Variants in SBNO2 observed in about 807,000 individuals in gnomAD.
SBNO2 encodes the protein strawberry notch homolog 2, also known as protein strawberry notch homolog 2.
SBNO2 carries 89 observed loss-of-function variants against 146.3 expected under a neutral mutation model. That is an observed-to-expected ratio of 0.61 (90% CI 0.51 to 0.73). The LOEUF is 0.73. Among genes scored for constraint, SBNO2 ranks in the 30% least tolerant of loss-of-function variants. The pLI is 0.00. For synonymous variants in SBNO2, 1,147 were observed against 892.6 expected, an observed-to-expected ratio of 1.29 and a Z score of -5.08; for missense variants, 2,092 against 2,003.7, an observed-to-expected ratio of 1.04 and a Z score of -0.84.
rs966486116 is a variant in SBNO2 at position 1,136,428 on chromosome 19, G to T, written c.280-8663C>A. Among the ~76,000 whole-genome samples the T allele has an allele frequency of 5.3e-5, 8 of 152,198 alleles. No homozygotes were observed. The highest frequency in any genetic ancestry group is 1.9e-4 in the African/African-American group (8 of 41,464). On this transcript the variant is annotated intron_variant, in intron 4 of 31. Transcript: ENST00000361757. The surrounding 1 kb of genome is among the most constrained non-coding windows in gnomAD (Gnocchi z 4.2). ...CAGCCGGGCAGGGCCGAACCCTGGCGCACAGCTTCCTGCTGAGTCTCCCTC... is the reference window on the plus strand; with the variant it reads ...CAGCCGGGCAGGGCCGAACCCTGGCTCACAGCTTCCTGCTGAGTCTCCCTC...
In SBNO2 at chr19:1,157,375, T is replaced by TC. The variant is rs1270291954; in HGVS notation, c.-126-2974_-126-2973insG. On this transcript the variant is annotated intron_variant, in intron 1 of 31. Coordinates refer to ENST00000361757, the MANE Select transcript of SBNO2 (RefSeq NM_014963.3). This position sits in a 1 kb window ranked among gnomAD's most constrained non-coding sequence, Gnocchi z 6.8. ...TCCCCACGCGGCCCCGGAGACCCTC[T>TC]GCCACGCAGCCCCGGAGACGCTCTC... 5.9e-5 allele frequency among the ~76,000 whole-genome samples: 8 copies of TC among 136,028 alleles called. No homozygotes were observed. Among genetic ancestry groups the TC allele is most frequent in the African/African-American group, 2.1e-4 (8 of 38,254 alleles). The allele number at this position is 136,028 out of a possible 152,430, so 89.2% of individuals were successfully genotyped here.
intron 1 of SBNO2, among the ~76,000 whole-genome samples, chr19:1,167,479 C>G (rs1231744170): frequency 6.6e-6 from 1 of 152,230 alleles, no homozygotes; most frequent in Non-Finnish European, 1.5e-5. Flanking sequence ...CCTGTGGCCA[C>G]TGGGCTGAGG....
chr19:1,111,606 G>A lies in SBNO2; in HGVS notation c.2709C>T (p.Thr903=). Residue 903 remains threonine, a synonymous_variant, in exon 24 of 32, where the codon ACC becomes ACT. Transcript: ENST00000361757. ...SKYNFENKYG[T]RALHCVLTTI... Reference sequence around the variant, plus strand: ...TGGTGAGGACACAGTGCAGGGCCCGGGTGCCATACTAGGGGGAGAAGGTGA... The same window carrying A: ...TGGTGAGGACACAGTGCAGGGCCCGAGTGCCATACTAGGGGGAGAAGGTGA... 1.9e-6 allele frequency: 3 copies of A among 1,584,224 alleles called. No individual in the cohort carries two copies. The highest frequency in any genetic ancestry group is 1.7e-6 in the Non-Finnish European group (2 of 1,165,508).
intron 14 of SBNO2, 73 bp from the exon 15 acceptor site, chr19:1,117,572 C>T (rs2079848773): frequency 6.8e-6 from 10 of 1,463,528 alleles, no homozygotes; most frequent in South Asian, 5.4e-5. Context: ...GCCCACCTGC[C>T]GCCAGCCCTG....
Position 1,122,746 on chromosome 19 carries a change from T to A in SBNO2, c.826A>T (p.Ile276Phe). The change falls in exon 9 of 32, where the codon ATC (isoleucine) becomes TTC (phenylalanine). Residue 276 changes from isoleucine (I) to phenylalanine (F), a missense_variant. Ile to Phe is a conservative substitution (Grantham distance 21, BLOSUM62 0). Transcript: ENST00000361757. ...TTGCCCACGCCGGCCCCATCGCCGATGAGAAAGCCCGCGCGCTGCCCGCTG... is the reference window on the plus strand; with the variant it reads ...TTGCCCACGCCGGCCCCATCGCCGAAGAGAAAGCCCGCGCGCTGCCCGCTG... ...LPSGQRAGFL[I>F]GDGAGVGKGR... 6.5e-7 allele frequency: 1 copy of A among 1,536,596 alleles called. No individual in the cohort carries two copies. The highest frequency in any genetic ancestry group is 2.0e-5 in the Admixed American group (1 of 50,976).
chr19:1,170,140 A>C (rs1429064887), intron 1 of SBNO2, among the ~76,000 whole-genome samples: 1 of 152,216 alleles, frequency 6.6e-6, no homozygotes, highest in African/African-American at 2.4e-5. Context: ...CACAGACGAC[A>C]GATCTAATCT....
Position 1,173,156 on chromosome 19 carries a change from C to T in SBNO2, c.-127+1016G>A, listed in dbSNP as rs1338867943. Among the ~76,000 whole-genome samples the T allele has an allele frequency of 7.2e-5, 11 of 152,178 alleles. No homozygotes were observed. The highest frequency in any genetic ancestry group is 2.7e-4 in the African/African-American group (11 of 41,442). On this transcript the variant is annotated intron_variant, in intron 1 of 31. Coordinates refer to ENST00000361757, the MANE Select transcript of SBNO2 (RefSeq NM_014963.3). This position sits in a 1 kb window ranked among gnomAD's most constrained non-coding sequence, Gnocchi z 4.7. The stretch of plus-strand genomic sequence containing the variant: ...CCCAGGTCAGTCTGGGGATTGGTCC[C>T]TCCAGGCCCCACCTGCCTTATTCTT...
At chr19:1,114,486 G>T in intron 17 of SBNO2, 64 bp from the exon 18 acceptor site, 1 of 1,347,258 alleles carries the variant, frequency 7.4e-7, no homozygotes, top group Non-Finnish European at 9.9e-7. Context: ...AGGTGGAGGA[G>T]ACGCAGCAGG....
chr19:1,109,139 C>G lies in SBNO2; in HGVS notation c.3421G>C (p.Ala1141Pro). Residue 1141 changes from alanine to proline, a missense_variant, in exon 30 of 32, where the codon GCC becomes CCC. Ala to Pro is a conservative substitution (Grantham distance 27, BLOSUM62 -1). Transcript: ENST00000361757. This position sits in a 1 kb window ranked among gnomAD's most constrained non-coding sequence, Gnocchi z 4.2. ...ALSLTHCSHSAWNRHCRLAQE... is the reference protein window; with the variant it reads ...ALSLTHCSHSPWNRHCRLAQE... ...TGGTCCCCGGCCCGCCCTCACCAGG[C>G]GCTGTGGCTGCAGTGCGTCAGCGAC... The G allele has an allele frequency of 6.4e-7, 1 of 1,552,644 alleles. No individual in the cohort carries two copies. Among genetic ancestry groups the G allele is most frequent in the African/African-American group, 1.4e-5 (1 of 73,290 alleles).
At chr19:1,147,625 C>G (rs950147399) in intron 3 of SBNO2, among the ~76,000 whole-genome samples, 3 of 152,006 alleles carry the variant, frequency 2.0e-5, no homozygotes, top group African/African-American at 7.2e-5. Context: ...CCTCCCACCC[C>G]CACTGGACAC....
At chr19:1,156,317 C>T (rs867423698) in intron 1 of SBNO2, among the ~76,000 whole-genome samples, 1 of 152,272 alleles carries the variant, frequency 6.6e-6, no homozygotes, top group Middle Eastern at 3.4e-3. Flanking sequence ...GACCTGGAGT[C>T]CATGCCTTGG....
chr19:1,154,819 G>C (rs544583692), intron 1 of SBNO2, among the ~76,000 whole-genome samples: 1 of 152,188 alleles, frequency 6.6e-6, no homozygotes, highest in Non-Finnish European at 1.5e-5. Flanking sequence ...GGGAGCCCAG[G>C]GGACACTGGA....
In SBNO2 at chr19:1,136,355, T is replaced by C. The variant is rs949361681; in HGVS notation, c.280-8590A>G. ...CCCTTCTGTCAGGGTTCCGGCCAGG[T>C]GCCTGGTATGGGCCCTGGGGCCGCC... On this transcript the variant is annotated intron_variant, in intron 4 of 31. Transcript: ENST00000361757. The surrounding 1 kb of genome is among the most constrained non-coding windows in gnomAD (Gnocchi z 4.2). Among the ~76,000 whole-genome samples, 3 of 152,178 alleles carry C rather than the reference T, an allele frequency of 2.0e-5. No homozygotes were observed. The highest frequency in any genetic ancestry group is 1.3e-4 in the Admixed American group (2 of 15,290).
intron 4 of SBNO2, chr19:1,128,306 CG>C: frequency 2.6e-6 from 1 of 392,126 alleles, no homozygotes; most frequent in Non-Finnish European, 5.0e-6. Flanking sequence ...GAGGCAGGGG[CG>C]GGGGCAGCCA....
chr19:1,125,694 G>A (rs538217265), intron 5 of SBNO2, among the ~76,000 whole-genome samples: 1 of 150,086 alleles, frequency 6.7e-6, no homozygotes, highest in African/African-American at 2.5e-5. Context: ...AAAAAAAAAA[G>A]TGTGAAGAAT....
chr19:1,123,176 C>T lies in SBNO2; in HGVS notation c.629-131G>A, dbSNP rs934918166. On this transcript the variant is annotated intron_variant, in intron 7 of 31. Coordinates refer to ENST00000361757, the MANE Select transcript of SBNO2 (RefSeq NM_014963.3). ...GCAGTTTGGGGGCGTGGCCAGGTCCCGTTGGGCGGGTCATGGGCGTGGCCA... is the reference window on the plus strand; with the variant it reads ...GCAGTTTGGGGGCGTGGCCAGGTCCTGTTGGGCGGGTCATGGGCGTGGCCA... 37 of 1,069,130 alleles carry T rather than the reference C, an allele frequency of 3.5e-5. 1 individual carries two copies. In the South Asian group the frequency reaches 4.7e-4, roughly 13 times the overall value. 66.2% of individuals were successfully genotyped at this position (1,069,130 alleles called of 1,614,324 possible).
intron 1 of SBNO2, among the ~76,000 whole-genome samples, chr19:1,166,965 G>A (rs575299509): frequency 5.9e-5 from 9 of 152,316 alleles, no homozygotes; most frequent in South Asian, 4.1e-4. Context: ...CAAGTGGCTC[G>A]ACCGGTCACC....
intron 14 of SBNO2, 141 bp downstream of exon 14, chr19:1,118,870 A>T: frequency 3.5e-6 from 3 of 855,680 alleles, no homozygotes; most frequent in Middle Eastern, 3.6e-4. Flanking sequence ...AGACTGTCTC[A>T]AAAAAACAAC....
chr19:1,162,452 T>C (rs376385152), intron 1 of SBNO2, among the ~76,000 whole-genome samples: 3 of 136,262 alleles, frequency 2.2e-5, no homozygotes, highest in African/African-American at 5.2e-5. Context: ...AGAGCGAGAC[T>C]CCGTCTCAAA....
Sources: allele counts gnomAD v4.1 joint callset (sites outside exome capture counted in the v4.1 genomes callset), GRCh38; gene constraint gnomAD v4.1.1; non-coding constraint Gnocchi (gnomAD v3.1); transcripts MANE v1.5; gene names NCBI Gene and HGNC (gene_info 2026-07-23, HGNC 2026-07-21).